The following TLN2 variants were observed in gnomAD, a reference collection of about 807,000 sequenced individuals.
The protein encoded by TLN2 is talin 2.
A neutral mutation model predicts 294.7 loss-of-function variants in TLN2; 118 were observed. That is an observed-to-expected ratio of 0.40 (90% CI 0.34 to 0.47). The LOEUF is 0.47. Among genes scored for constraint, TLN2 ranks in the 20% least tolerant of loss-of-function variants. TLN2 has a pLI of 0.84. For missense variants in TLN2, 3,083 were observed against 3,282.2 expected (o/e 0.94, Z 1.48); for synonymous variants, 1,431 against 1,304.5 (o/e 1.10, Z -2.09).
At chr15:62,399,390 C>T (rs2032846580) in intron 1 of TLN2, among the ~76,000 whole-genome samples, 2 of 151,988 alleles carry the variant, frequency 1.3e-5, no homozygotes, top group Non-Finnish European at 2.9e-5. Flanking sequence ...GGTCGGAACC[C>T]CCACACAGAG....
rs763886181 is a variant in TLN2, at chr15:62,796,224, A to G, written c.5981A>G (p.Asp1994Gly). 2.5e-6 allele frequency: 4 copies of G among 1,614,094 alleles called. No individual in the cohort carries two copies. In the Admixed American group the frequency reaches 6.7e-5, roughly 27 times the overall value. Reference protein sequence around the residue: ...TAVSGIIADLDTTIMFATAGT... With the variant: ...TAVSGIIADLGTTIMFATAGT... Reference sequence around the variant, plus strand: ...GTGTCTGGGATCATTGCCGACCTGGACACCACCATTATGTTTGCAACAGCG... The same window carrying G: ...GTGTCTGGGATCATTGCCGACCTGGGCACCACCATTATGTTTGCAACAGCG... Residue 1994 changes from aspartate (D) to glycine (G), a missense_variant, in exon 47 of 59, where the codon GAC becomes GGC. By Grantham distance (94) the Asp-to-Gly change is moderately conservative. Transcript: ENST00000636159.
chr15:62,738,138 T>G, intron 29 of TLN2, 76 bp from the exon 30 acceptor site: 2 of 1,554,380 alleles, frequency 1.3e-6, no homozygotes, highest in Non-Finnish European at 8.8e-7. Context: ...CAGCTCTGCA[T>G]GTTTCACTGC....
In TLN2 at chr15:62,727,118, C is replaced by T. The variant is rs868702018; in HGVS notation, c.3287C>T (p.Thr1096Ile). Reference protein sequence around the residue: ...LEKCAQDLGSTSKAVGSSMAQ... With the variant: ...LEKCAQDLGSISKAVGSSMAQ... ...AAATGTGCTCAGGACCTGGGAAGCA[C>T]ATCCAAGGCGGTGGGCTCCTCCATG... The change falls in exon 28 of 59, where the codon ACA becomes ATA. Residue 1096 changes from threonine (T) to isoleucine (I), a missense_variant. Physicochemically the swap from Thr to Ile is moderately conservative, Grantham distance 89. Transcript: ENST00000636159. 2.5e-6 allele frequency: 4 copies of T among 1,614,084 alleles called. No individual in the cohort carries two copies. The highest frequency in any genetic ancestry group is 2.7e-5 in the African/African-American group (2 of 74,926).
At chr15:62,833,274 C>T in intron 54 of TLN2, 2 of 526,196 alleles carry the variant, frequency 3.8e-6, no homozygotes, top group Non-Finnish European at 6.7e-6. Flanking sequence ...CCACATCTTC[C>T]ACACTGTGAC....
intron 54 of TLN2, 145 bp downstream of exon 54, chr15:62,820,755 G>T: frequency 9.0e-7 from 1 of 1,111,350 alleles, no homozygotes; most frequent in Non-Finnish European, 1.3e-6. Context: ...TACCTGCCCG[G>T]CACTGCTTTA....
At chr15:62,544,953 G>A (rs1007941192) in intron 1 of TLN2, among the ~76,000 whole-genome samples, 5 of 150,976 alleles carry the variant, frequency 3.3e-5, no homozygotes, top group Admixed American at 2.6e-4. Context: ...TTTTTGAGAC[G>A]GAGTCTCGCT....
rs116503153 is a variant in TLN2, at chr15:62,745,715, C to T, written c.4026-2636C>T. ...ATATTTATTTAATCCTCTATTCTTG[C>T]GTATTTGAGTTGCTCCGTATTCTTT... On this transcript the variant is annotated intron_variant, in intron 32 of 58. Transcript: ENST00000636159. Among the ~76,000 whole-genome samples the T allele has an allele frequency of 9.7e-3, 1,479 of 152,260 alleles. 26 individuals are homozygous for T. Among genetic ancestry groups the T allele is most frequent in the African/African-American group, 0.034 (1,417 of 41,544 alleles).
chr15:62,391,592 C>T (rs759467650), intron 1 of TLN2, among the ~76,000 whole-genome samples: 4 of 152,220 alleles, frequency 2.6e-5, no homozygotes, highest in Non-Finnish European at 5.9e-5. Context: ...CCGGGGAGAG[C>T]CCCGCGCCCC....
intron 9 of TLN2, among the ~76,000 whole-genome samples, chr15:62,659,301 C>T (rs560487675): frequency 6.6e-6 from 1 of 152,286 alleles, no homozygotes; most frequent in African/African-American, 2.4e-5. Context: ...ACTTCTAACA[C>T]CGGGTTCTCA....
intron 1 of TLN2, among the ~76,000 whole-genome samples, chr15:62,579,572 T>G (rs148225854): frequency 4.7e-4 from 71 of 152,244 alleles, no homozygotes; most frequent in African/African-American, 1.6e-3. Context: ...TATGCTGTGG[T>G]GTGTTGGCTC....
intron 3 of TLN2, among the ~76,000 whole-genome samples, chr15:62,631,559 T>C (rs2049864900): frequency 6.8e-6 from 1 of 147,472 alleles, no homozygotes; most frequent in Non-Finnish European, 1.5e-5. Context: ...TTCCTTTCCT[T>C]TCCTTTCCTT....
intron 42 of TLN2, among the ~76,000 whole-genome samples, chr15:62,773,165 C>T (rs1470124751): frequency 1.3e-5 from 2 of 151,480 alleles, no homozygotes; most frequent in Admixed American, 6.6e-5. Context: ...TGCCCAGGCT[C>T]ATCACAAACT....
At chr15:62,637,738 G>C (rs775588955) in intron 3 of TLN2, 1 of 152,614 alleles carries the variant, frequency 6.6e-6, no homozygotes, top group African/African-American at 2.4e-5. Flanking sequence ...GCTGGTGTTG[G>C]AGCAGGGTCA....
intron 51 of TLN2, among the ~76,000 whole-genome samples, chr15:62,806,224 A>G (rs2066271181): frequency 6.6e-6 from 1 of 152,092 alleles, no homozygotes; most frequent in Non-Finnish European, 1.5e-5. Context: ...TGAATATGGC[A>G]TACGCACCAG....
intron 1 of TLN2, among the ~76,000 whole-genome samples, chr15:62,511,545 A>C (rs1191858023): frequency 1.3e-5 from 2 of 152,118 alleles, no homozygotes; most frequent in Non-Finnish European, 2.9e-5. Flanking sequence ...TGCCATGTTC[A>C]TCTTGCAGCT....
At chr15:62,694,798 G>A (rs537307767) in intron 14 of TLN2, among the ~76,000 whole-genome samples, 5 of 152,270 alleles carry the variant, frequency 3.3e-5, no homozygotes, top group African/African-American at 4.8e-5. Flanking sequence ...GCGGAGTTAC[G>A]GTGAAGCACT....
intron 52 of TLN2, among the ~76,000 whole-genome samples, chr15:62,815,422 A>C (rs2067037111): frequency 6.6e-6 from 1 of 152,218 alleles, no homozygotes. Flanking sequence ...GAATCGATGG[A>C]GATTCCTGAG....
At chr15:62,549,093 T>C (rs1567084666) in intron 1 of TLN2, among the ~76,000 whole-genome samples, 1 of 152,176 alleles carries the variant, frequency 6.6e-6, no homozygotes, top group South Asian at 2.1e-4. Flanking sequence ...AGTAGGACTG[T>C]ACATGTAGAG....
At chr15:62,798,770 G>C (rs1421234191) in intron 48 of TLN2, among the ~76,000 whole-genome samples, 2 of 152,178 alleles carry the variant, frequency 1.3e-5, no homozygotes, top group African/African-American at 4.8e-5. Flanking sequence ...TTCCCTCCCT[G>C]ACAGCACCCA....
Sources: allele counts gnomAD v4.1 joint callset (sites outside exome capture counted in the v4.1 genomes callset), GRCh38; gene constraint gnomAD v4.1.1; transcripts MANE v1.5; gene names NCBI Gene and HGNC (gene_info 2026-07-23, HGNC 2026-07-21).